The following TAF1B variants were observed in gnomAD, a reference collection of about 807,000 sequenced individuals.
The protein encoded by TAF1B is TATA-box binding protein associated factor, RNA polymerase I subunit B.
Under a neutral mutation model 83.9 loss-of-function variants are expected in TAF1B, and 61 were observed. That is an observed-to-expected ratio of 0.73 (90% CI 0.59 to 0.90). The LOEUF is 0.90. Among genes scored for constraint, TAF1B ranks in the 40% least tolerant of loss-of-function variants. The probability of loss-of-function intolerance (pLI) is 0.00; values close to 1 mark genes in which losing one functional copy is unlikely to be tolerated. For synonymous variants in TAF1B, 221 were observed against 224.6 expected (o/e 0.98, Z 0.14); for missense variants, 625 against 677.0 (o/e 0.92, Z 0.85).
chr2:9,920,665 C>T (rs1368844582), intron 14 of TAF1B, among the ~76,000 whole-genome samples: 1 of 152,088 alleles, frequency 6.6e-6, no homozygotes, highest in Admixed American at 6.6e-5. Context: ...AGTGTAGTTA[C>T]TATGTTTCCC....
chr2:9,862,430 A>G (rs138842298), intron 5 of TAF1B, among the ~76,000 whole-genome samples: 12,518 of 152,260 alleles, frequency 0.082, 561 homozygotes, highest in Middle Eastern at 0.16. Context: ...GCCTCCCAGA[A>G]ATATGGGACT....
intron 14 of TAF1B, among the ~76,000 whole-genome samples, chr2:9,931,957 C>T (rs921268542): frequency 2.0e-5 from 3 of 152,184 alleles, no homozygotes; most frequent in Non-Finnish European, 4.4e-5. Flanking sequence ...TTGATCGAAT[C>T]GGCTATTGAA....
chr2:9,848,880 TTAAAAA>T (rs1449922508), intron 2 of TAF1B, among the ~76,000 whole-genome samples: 1 of 152,186 alleles, frequency 6.6e-6, no homozygotes, highest in African/African-American at 2.4e-5. Flanking sequence ...CTAAGTTTGA[TTAAAAA>T]TAAAATGTAA....
intron 4 of TAF1B, among the ~76,000 whole-genome samples, chr2:9,854,029 A>G (rs1019131792): frequency 2.0e-5 from 3 of 152,198 alleles, no homozygotes; most frequent in Admixed American, 2.0e-4. Context: ...GTAAGAATAC[A>G]TTTAGATGGA....
At chr2:9,857,749 T>A (rs1663610813) in intron 5 of TAF1B, among the ~76,000 whole-genome samples, 1 of 152,264 alleles carries the variant, frequency 6.6e-6, no homozygotes, top group South Asian at 2.1e-4. Context: ...AGTGCGTGCG[T>A]GTGAGCAAGC....
intron 6 of TAF1B, among the ~76,000 whole-genome samples, chr2:9,870,644 T>C (rs2125148081): frequency 6.6e-6 from 1 of 152,360 alleles, no homozygotes; most frequent in Middle Eastern, 3.4e-3. Context: ...AATTCTGTTT[T>C]AGCTCTTTCA....
chr2:9,879,709 C>T (rs978315815), intron 7 of TAF1B, among the ~76,000 whole-genome samples: 4 of 152,110 alleles, frequency 2.6e-5, no homozygotes, highest in African/African-American at 9.7e-5. Flanking sequence ...TGAGAGTGAA[C>T]AGATCATCAG....
chr2:9,872,339 AAAAG>A (rs1204495526), intron 6 of TAF1B, among the ~76,000 whole-genome samples: 1 of 151,944 alleles, frequency 6.6e-6, no homozygotes, highest in Non-Finnish European at 1.5e-5. Flanking sequence ...AAAAAAAAAA[AAAAG>A]AATCTGGATG....
intron 7 of TAF1B, 74 bp from the exon 8 acceptor site, chr2:9,882,632 A>AT: frequency 1.1e-6 from 1 of 912,442 alleles, no homozygotes; most frequent in Admixed American, 2.8e-5. Flanking sequence ...GAATTAAGAG[A>AT]TTTTTCTTAA....
intron 1 of TAF1B, chr2:9,844,349 G>GGTCTC (rs1257331112): frequency 1.3e-5 from 2 of 151,852 alleles, no homozygotes; most frequent in African/African-American, 2.4e-5. Flanking sequence ...TAGGGGCAGG[G>GGTCTC]GTCTCGCTAT....
intron 10 of TAF1B, 23 bp downstream of exon 10, chr2:9,910,936 A>G (rs1665515244): frequency 6.3e-7 from 1 of 1,584,178 alleles, no homozygotes; most frequent in Non-Finnish European, 8.6e-7. Context: ...CAATTTTATG[A>G]CAAGTAACAT....
intron 5 of TAF1B, among the ~76,000 whole-genome samples, chr2:9,855,141 C>T (rs1333159548): frequency 1.3e-5 from 2 of 152,076 alleles, no homozygotes; most frequent in East Asian, 3.9e-4. Context: ...ATTACAGGCG[C>T]CCGCCACCAC....
At chr2:9,880,547 C>T (rs1194635804) in intron 7 of TAF1B, among the ~76,000 whole-genome samples, 3 of 146,576 alleles carry the variant, frequency 2.0e-5, no homozygotes, top group African/African-American at 5.0e-5. Flanking sequence ...CTGCTCTTTG[C>T]GGACATTTCT....
intron 2 of TAF1B, among the ~76,000 whole-genome samples, chr2:9,847,835 A>G (rs1230689299): frequency 1.4e-5 from 2 of 147,324 alleles, no homozygotes; most frequent in Non-Finnish European, 3.1e-5. Context: ...AATCACCAGT[A>G]ATCTCTACAT....
rs537457517 is a variant in TAF1B at position 9,875,122 on chromosome 2, C to T, written c.554-743C>T. Among the ~76,000 whole-genome samples the T allele has an allele frequency of 1.6e-3, 248 of 152,052 alleles. 2 individuals are homozygous for T. Among genetic ancestry groups the T allele is most frequent in the African/African-American group, 5.8e-3 (241 of 41,476 alleles). On this transcript the variant is annotated intron_variant, in intron 6 of 14. Transcript: ENST00000263663. The stretch of plus-strand genomic sequence containing the variant: ...GATTACAGGCGTCCACCACTACACC[C>T]GGCTAATTTTTTGTATTTTTTAGTA...
chr2:9,893,484 TG>T (rs1442010794), intron 8 of TAF1B, among the ~76,000 whole-genome samples: 1 of 152,200 alleles, frequency 6.6e-6, no homozygotes, highest in Non-Finnish European at 1.5e-5. Flanking sequence ...GAACTGCAGC[TG>T]CAAGCAACGT....
chr2:9,926,206 T>C (rs1288257233), intron 14 of TAF1B, among the ~76,000 whole-genome samples: 1 of 152,178 alleles, frequency 6.6e-6, no homozygotes, highest in Non-Finnish European at 1.5e-5. Context: ...TAATCAGATA[T>C]AAAAAATTAA....
At chr2:9,864,074 A>C (rs1001702474) in intron 5 of TAF1B, among the ~76,000 whole-genome samples, 1 of 152,306 alleles carries the variant, frequency 6.6e-6, no homozygotes. Context: ...AAAAGCTAGC[A>C]GAAGACAAGA....
intron 8 of TAF1B, among the ~76,000 whole-genome samples, chr2:9,899,897 A>G (rs1293920675): frequency 6.6e-6 from 1 of 152,184 alleles, no homozygotes; most frequent in Non-Finnish European, 1.5e-5. Flanking sequence ...TGTACTATGA[A>G]TATTTTCCTA....
Sources: allele counts gnomAD v4.1 joint callset (sites outside exome capture counted in the v4.1 genomes callset), GRCh38; gene constraint gnomAD v4.1.1; transcripts MANE v1.5; gene names NCBI Gene and HGNC (gene_info 2026-07-23, HGNC 2026-07-21).